MACF1: variants seen among roughly 807,000 people sequenced by gnomAD.
MACF1 encodes the protein microtubule actin crosslinking factor 1, also known as microtubule-actin cross-linking factor 1.
In MACF1, 193 loss-of-function variants were observed where a neutral mutation model predicts 854.8. That is an observed-to-expected ratio of 0.23 (90% CI 0.20 to 0.25). MACF1 has a LOEUF of 0.25. Ranked by LOEUF, MACF1 falls within the 10% of genes least tolerant of loss-of-function variation. MACF1 has a pLI of 1.00. For missense variants in MACF1, 7,722 were observed against 8,929.1 expected, an observed-to-expected ratio of 0.86 and a Z score of 5.45; for synonymous variants, 3,185 against 3,226.7, an observed-to-expected ratio of 0.99 and a Z score of 0.44.
chr1:39,207,235 A>G (rs934181916), intron 1 of MACF1, among the ~76,000 whole-genome samples: 29 of 151,652 alleles, frequency 1.9e-4, no homozygotes, highest in African/African-American at 7.0e-4. Flanking sequence ...TTTACATATT[A>G]TGAGGAATGT....
At chr1:39,096,983 TCTC>T (rs1641954203) in intron 2 of MACF1, among the ~76,000 whole-genome samples, 1 of 151,232 alleles carries the variant, frequency 6.6e-6, no homozygotes, top group Non-Finnish European at 1.5e-5. Flanking sequence ...TTCAAGTAAT[TCTC>T]CTGCCTTGGC....
chr1:39,119,194 G>A (rs1642624637), intron 2 of MACF1, among the ~76,000 whole-genome samples: 1 of 151,908 alleles, frequency 6.6e-6, no homozygotes, highest in Non-Finnish European at 1.5e-5. Context: ...GCCCATGCCT[G>A]TAATCCCAGC....
At chr1:39,313,899 G>C (rs1171438658) in intron 26 of MACF1, among the ~76,000 whole-genome samples, 1 of 151,938 alleles carries the variant, frequency 6.6e-6, no homozygotes, top group Non-Finnish European at 1.5e-5. Flanking sequence ...TACAGGCATG[G>C]GTCATGATGC....
chr1:39,196,440 T>A (rs1289999703), intron 2 of MACF1, among the ~76,000 whole-genome samples: 1 of 152,176 alleles, frequency 6.6e-6, no homozygotes, highest in Non-Finnish European at 1.5e-5. Context: ...GCCCACATCC[T>A]CTGCCTGTCT....
intron 3 of MACF1, 49 bp downstream of exon 3, chr1:39,250,152 C>CAT: frequency 8.0e-7 from 1 of 1,247,318 alleles, no homozygotes; most frequent in South Asian, 1.2e-5. Flanking sequence ...CTACAAATGA[C>CAT]ATATTGGTCC....
chr1:39,257,290 A>G (rs1002077133), intron 5 of MACF1, among the ~76,000 whole-genome samples: 1 of 139,664 alleles, frequency 7.2e-6, no homozygotes, highest in Non-Finnish European at 1.6e-5. Flanking sequence ...CATTATGCCG[A>G]GTGAAATAAA....
intron 22 of MACF1, among the ~76,000 whole-genome samples, chr1:39,301,560 G>A (rs1646042483): frequency 6.6e-6 from 1 of 151,588 alleles, no homozygotes; most frequent in Admixed American, 6.6e-5. Context: ...CAAGTAGCAG[G>A]GACTACAGGT....
At position 39,427,575 on chromosome 1, in the gene MACF1, T is replaced by C. The variant is rs1396298032; in HGVS notation, c.16437T>C (p.Thr5479=). 6.2e-7 allele frequency: 1 copy of C among 1,614,124 alleles called. No homozygotes were observed. The highest frequency in any genetic ancestry group is 2.2e-5 in the East Asian group (1 of 44,882). Residue 5479 remains threonine (T), a synonymous_variant, in exon 62 of 101, where the codon ACT becomes ACC. Transcript: ENST00000564288. ...KKLANSEPVG[T]QTAKIQQQII... is the part of the protein sequence containing the mutation. ...TTGCTAACTCAGAACCTGTTGGCAC[T>C]CAGACTGCCAAAATACAGCAGCAGA... is the stretch of plus-strand genomic sequence containing the variant.
At chr1:39,346,540 G>A (rs1381393024) in intron 40 of MACF1, among the ~76,000 whole-genome samples, 1 of 142,034 alleles carries the variant, frequency 7.0e-6, no homozygotes, top group South Asian at 2.3e-4. Context: ...TTTTTTTTGA[G>A]ATGGAGTCTC....
Position 39,400,928 on chromosome 1 carries a change from A to G in MACF1, c.15816+12270A>G, listed in dbSNP as rs554481812. Among the ~76,000 whole-genome samples, 13 of 152,308 alleles carry G rather than the reference A, an allele frequency of 8.5e-5. No individual in the cohort carries two copies. The East Asian group carries it at 2.5e-3, about 29-fold the overall frequency. On this transcript the variant is annotated intron_variant, in intron 58 of 100. Coordinates refer to ENST00000564288, the MANE Select transcript of MACF1 (RefSeq NM_001394062.1). ...TTCTTCTTGAAAATTGGAAAAATGGAAATTATGAGGATAAAGTAAAATTAG... is the reference window on the plus strand; with the variant it reads ...TTCTTCTTGAAAATTGGAAAAATGGGAATTATGAGGATAAAGTAAAATTAG...
chr1:39,442,022 A>C lies in MACF1; in HGVS notation c.18743A>C (p.Asn6248Thr). 1.2e-6 allele frequency: 2 copies of C among 1,613,978 alleles called. No homozygotes were observed. Among genetic ancestry groups the C allele is most frequent in the Non-Finnish European group, 1.7e-6 (2 of 1,179,990 alleles). Reference sequence around the variant, plus strand: ...ATGCCCCCTGTTGGCACTGACCTCAATACTGTTAAAGATCAGTTAAATGAA... The same window carrying C: ...ATGCCCCCTGTTGGCACTGACCTCACTACTGTTAAAGATCAGTTAAATGAA... ...CTMPPVGTDL[N>T]TVKDQLNEMK... is the part of the protein sequence containing the mutation. Residue 6248 changes from asparagine (N) to threonine (T), a missense_variant, in exon 75 of 101, where the codon AAT (asparagine) becomes ACT (threonine). Physicochemically the swap from Asn to Thr is moderately conservative, Grantham distance 65. This residue lies in a region of MACF1 where 2,807 missense variants were observed against 3,235.8 expected (regional missense o/e 0.87). Transcript: ENST00000564288.
At chr1:39,253,090 T>C (rs146769205) in intron 4 of MACF1, among the ~76,000 whole-genome samples, 38 of 152,318 alleles carry the variant, frequency 2.5e-4, no homozygotes, top group African/African-American at 8.7e-4. Context: ...TTTAGTAAAA[T>C]ATAAGCAACG....
At chr1:39,238,624 C>T (rs1644886181) in intron 2 of MACF1, among the ~76,000 whole-genome samples, 1 of 152,160 alleles carries the variant, frequency 6.6e-6, no homozygotes, top group Admixed American at 6.5e-5. Context: ...CTGATGCTGC[C>T]TGTTGGACCT....
chr1:39,295,032 A>G lies in MACF1; in HGVS notation c.2155-14A>G. 1 of 1,598,164 alleles carries G rather than the reference A, an allele frequency of 6.3e-7. No homozygotes were observed. The highest frequency in any genetic ancestry group is 8.6e-7 in the Non-Finnish European group (1 of 1,165,604). On this transcript the variant is annotated splice_polypyrimidine_tract_variant and intron_variant, in intron 18 of 100. Coordinates refer to ENST00000564288, the MANE Select transcript of MACF1 (RefSeq NM_001394062.1). ...CAAGAGTGCTTATGCTGTAAAATTG[A>G]ATTCCATTTTCAGGAGTTGACAATG... is the stretch of plus-strand genomic sequence containing the variant.
At chr1:39,284,955 A>G (rs776882327) in intron 11 of MACF1, 128 bp from the exon 12 acceptor site, 88 of 1,269,454 alleles carry the variant, frequency 6.9e-5, no homozygotes, top group Non-Finnish European at 9.4e-5. Context: ...TTGTTTTTCC[A>G]TGTTAGACAA....
chr1:39,440,632 T>C (rs1436126383), intron 72 of MACF1, among the ~76,000 whole-genome samples: 2 of 152,200 alleles, frequency 1.3e-5, no homozygotes, highest in East Asian at 3.8e-4. Context: ...ACTTCTGTTA[T>C]ACTCTATTGT....
Position 39,353,133 on chromosome 1 carries a change from G to T in MACF1, c.11326G>T (p.Gly3776Ter). ...TNLPGMEQLS[G>*]ASLEKGALDT... ...CCTTCCAGGAATGGAGCAGCTCTCG[G>T]GAGCTAGCTTGGAGAAAGGAGCCTT... Residue 3776 changes from glycine to a stop codon, truncating the protein, a stop_gained, in exon 44 of 101, where the codon GGA (glycine) becomes TGA (stop). Coordinates refer to ENST00000564288, the MANE Select transcript of MACF1 (RefSeq NM_001394062.1). LOFTEE classifies it high-confidence loss of function. 6.2e-7 allele frequency: 1 copy of T among 1,614,166 alleles called. No homozygotes were observed. The highest frequency in any genetic ancestry group is 1.1e-5 in the South Asian group (1 of 91,080).
At chr1:39,452,636 T>C (rs1171091300) in intron 86 of MACF1, 48 bp from the exon 87 acceptor site, 1 of 1,610,624 alleles carries the variant, frequency 6.2e-7, no homozygotes, top group Non-Finnish European at 8.5e-7. Flanking sequence ...AGTATCTAGG[T>C]CCTTGGCTGC....
intron 1 of MACF1, among the ~76,000 whole-genome samples, chr1:39,220,877 G>T (rs186255216): frequency 6.6e-6 from 1 of 152,168 alleles, no homozygotes; most frequent in Non-Finnish European, 1.5e-5. Flanking sequence ...TCTAATGATA[G>T]GTTTTATATG....
Sources: gnomAD v4.1 joint callset for allele counts (sites outside exome capture counted in the v4.1 genomes callset) on GRCh38, gnomAD v4.1.1 for gene constraint, gnomAD v4.1.1 regional missense constraint, MANE v1.5 for transcripts, NCBI Gene and HGNC (gene_info 2026-07-23, HGNC 2026-07-21) for gene names.